The following PCDHA3 variants were observed in gnomAD, a reference collection of about 807,000 sequenced individuals.
The protein encoded by PCDHA3 is protocadherin alpha 3.
PCDHA3 carries 41 observed loss-of-function variants against 62.2 expected under a neutral mutation model. That is an observed-to-expected ratio of 0.66 (90% CI 0.51 to 0.86). The LOEUF is 0.86. Among genes scored for constraint, PCDHA3 ranks in the 40% least tolerant of loss-of-function variants. The pLI, the probability that PCDHA3 is intolerant of heterozygous loss-of-function variation, is 0.00. For synonymous variants in PCDHA3, 640 were observed against 555.4 expected (o/e 1.15, Z -2.14); for missense variants, 1,304 against 1,241.2 (o/e 1.05, Z -0.76).
At chr5:140,841,636 C>T (rs2150319848) in intron 1 of PCDHA3, 1 of 1,614,130 alleles carries the variant, frequency 6.2e-7, no homozygotes. Flanking sequence ...GCAGCATCCA[C>T]CTGGAGGTGA....
rs782372222 is a variant in PCDHA3 at position 140,876,213 on chromosome 5, T to C, written c.2394+72622T>C. 11 of 1,613,846 alleles carry C rather than the reference T, an allele frequency of 6.8e-6. No homozygotes were observed. The Admixed American group carries it at 8.3e-5, about 12-fold the overall frequency. On this transcript the variant is annotated intron_variant, in intron 1 of 3. Coordinates refer to ENST00000522353, the MANE Select transcript of PCDHA3 (RefSeq NM_018906.3). The stretch of plus-strand genomic sequence containing the variant: ...GTCCGGCGTTTGATAAGCCCAGCTA[T>C]AAAGTAGTGTTGTCTGAAAATGTCC...
rs371212960 is a variant in PCDHA3 at position 140,891,914 on chromosome 5, C to T, written c.2395-87035C>T. ...GCAGCAAGAAGATCTTCACCAGATG[C>T]TGGTGCCTTGATCTTGGACTTCCCC... On this transcript the variant is annotated intron_variant, in intron 1 of 3. Transcript: ENST00000522353. Among the ~76,000 whole-genome samples the T allele has an allele frequency of 2.6e-3, 395 of 152,328 alleles. 2 individuals carry two copies. The highest frequency in any genetic ancestry group is 9.2e-3 in the African/African-American group (384 of 41,572).
At chr5:140,868,446 A>G (rs1224722166) in intron 1 of PCDHA3, 1 of 152,368 alleles carries the variant, frequency 6.6e-6, no homozygotes, top group Non-Finnish European at 1.5e-5. Flanking sequence ...TGTGGAACAT[A>G]AACACTAAAG....
intron 1 of PCDHA3, among the ~76,000 whole-genome samples, chr5:140,913,292 T>G (rs1252467748): frequency 6.6e-6 from 1 of 152,184 alleles, no homozygotes; most frequent in African/African-American, 2.4e-5. Flanking sequence ...AGGTTTTAAT[T>G]TCTTCATAGA....
At chr5:140,902,854 C>T (rs186872091) in intron 1 of PCDHA3, among the ~76,000 whole-genome samples, 154 of 152,240 alleles carry the variant, frequency 1.0e-3, no homozygotes, top group Middle Eastern at 3.4e-3. Flanking sequence ...AGAAAAATGG[C>T]GTCCAGGTCC....
chr5:141,006,869 C>T (rs190273260), intron 3 of PCDHA3, among the ~76,000 whole-genome samples: 50 of 152,182 alleles, frequency 3.3e-4, no homozygotes, highest in African/African-American at 1.0e-3. Flanking sequence ...GGAATAGATT[C>T]GAGGAATCAA....
intron 1 of PCDHA3, chr5:140,883,054 C>T: frequency 6.2e-7 from 1 of 1,614,072 alleles, no homozygotes; most frequent in South Asian, 1.1e-5. Context: ...CATTAGTGAT[C>T]AAGCTAAATG....
At chr5:140,963,693 A>G (rs782642148) in intron 1 of PCDHA3, among the ~76,000 whole-genome samples, 15 of 152,210 alleles carry the variant, frequency 9.9e-5, no homozygotes, top group Non-Finnish European at 2.2e-4. Context: ...TCCGTGTTTG[A>G]TATCTAAAGG....
chr5:140,833,890 A>G (rs1772705183), intron 1 of PCDHA3, among the ~76,000 whole-genome samples: 1 of 152,210 alleles, frequency 6.6e-6, no homozygotes, highest in African/African-American at 2.4e-5. Context: ...TGGGATCTAG[A>G]TCAAAGGAAT....
At chr5:141,000,547 A>T (rs2097946124) in intron 3 of PCDHA3, among the ~76,000 whole-genome samples, 1 of 147,246 alleles carries the variant, frequency 6.8e-6, no homozygotes, top group Non-Finnish European at 1.5e-5. Context: ...CATGCCTCAA[A>T]CTCCCGAGTA....
chr5:140,841,877 A>T, intron 1 of PCDHA3: 1 of 1,613,820 alleles, frequency 6.2e-7, no homozygotes, highest in Non-Finnish European at 8.5e-7. Flanking sequence ...GAATTCAAAG[A>T]ACGATGAGAA....
chr5:140,842,740 C>T, intron 1 of PCDHA3: 2 of 1,595,054 alleles, frequency 1.3e-6, no homozygotes, highest in Non-Finnish European at 1.7e-6. Context: ...CGGGCTGCCA[C>T]ATCTTCACGG....
intron 1 of PCDHA3, among the ~76,000 whole-genome samples, chr5:140,819,962 T>C (rs1216452666): frequency 1.3e-5 from 2 of 152,052 alleles, no homozygotes; most frequent in Non-Finnish European, 2.9e-5. Context: ...TATTTACTTT[T>C]TTCAAAGGTT....
intron 1 of PCDHA3, chr5:140,808,523 G>A (rs1554124614): frequency 1.2e-6 from 2 of 1,614,182 alleles, no homozygotes; most frequent in Non-Finnish European, 1.7e-6. Flanking sequence ...TGTGGAGGTG[G>A]CTGATGTGAA....
chr5:140,976,171 A>T (rs1356953697), intron 1 of PCDHA3, among the ~76,000 whole-genome samples: 1 of 152,218 alleles, frequency 6.6e-6, no homozygotes, highest in African/African-American at 2.4e-5. Flanking sequence ...TTAGTTTTGT[A>T]TTGTTTTAAA....
Position 140,969,539 on chromosome 5 carries a change from A to G in PCDHA3, c.2395-9410A>G, listed in dbSNP as rs551546462. ...GAATTGTTTTATTTTTCATTTTCAGAGGCATGAAGCCTTGTCCATAAAATT... is the reference window on the plus strand; with the variant it reads ...GAATTGTTTTATTTTTCATTTTCAGGGGCATGAAGCCTTGTCCATAAAATT... On this transcript the variant is annotated intron_variant, in intron 1 of 3. Transcript: ENST00000522353. The G allele has an allele frequency of 2.3e-6, 3 of 1,303,614 alleles. No individual in the cohort carries two copies. The Admixed American group carries it at 8.5e-5, about 37-fold the overall frequency. 80.8% of individuals were successfully genotyped at this position (1,303,614 alleles called of 1,614,324 possible).
chr5:140,966,918 A>T, intron 1 of PCDHA3: 1 of 1,602,744 alleles, frequency 6.2e-7, no homozygotes. Flanking sequence ...GTGCCAGAGG[A>T]GCAGGCACCC....
intron 1 of PCDHA3, chr5:140,857,734 C>G: frequency 3.1e-6 from 5 of 1,597,392 alleles, no homozygotes; most frequent in Non-Finnish European, 4.3e-6. Flanking sequence ...ACAACGCTCC[C>G]GCGCTGCTGG....
chr5:140,845,303 T>C (rs937124524), intron 1 of PCDHA3, among the ~76,000 whole-genome samples: 1 of 149,684 alleles, frequency 6.7e-6, no homozygotes, highest in African/African-American at 2.4e-5. Flanking sequence ...TATGTCTACC[T>C]GGTTCTCAGG....
Sources: gnomAD v4.1 joint callset for allele counts (sites outside exome capture counted in the v4.1 genomes callset) on GRCh38, gnomAD v4.1.1 for gene constraint, MANE v1.5 for transcripts, NCBI Gene and HGNC (gene_info 2026-07-23, HGNC 2026-07-21) for gene names.